CNTNAP2: variants seen among roughly 807,000 people sequenced by gnomAD.
The protein encoded by CNTNAP2 is contactin associated protein 2.
CNTNAP2 carries 98 observed loss-of-function variants against 155.2 expected under a neutral mutation model. The observed-to-expected ratio is 0.63, with a 90% confidence interval of 0.54 to 0.75. The LOEUF (loss-of-function observed/expected upper bound fraction) is 0.75. CNTNAP2 is among the 30% of genes least tolerant of loss of function. CNTNAP2 has a pLI of 0.00. For synonymous variants in CNTNAP2, 651 were observed against 631.2 expected (o/e 1.03, Z -0.47); for missense variants, 1,727 against 1,688.1 (o/e 1.02, Z -0.40).
intron 21 of CNTNAP2, among the ~76,000 whole-genome samples, chr7:148,312,936 G>A (rs1021033128): frequency 2.7e-5 from 4 of 150,688 alleles, no homozygotes; most frequent in South Asian, 2.1e-4. Context: ...TGAAGGAGGC[G>A]TTGAACTGGG....
chr7:146,831,443 C>T (rs988101119), intron 2 of CNTNAP2, among the ~76,000 whole-genome samples: 2 of 151,738 alleles, frequency 1.3e-5, no homozygotes, highest in African/African-American at 2.4e-5. Context: ...TTTGGGAAGC[C>T]GAGGTGGGCG....
chr7:146,532,468 T>C (rs1007052543), intron 1 of CNTNAP2, among the ~76,000 whole-genome samples: 1 of 152,184 alleles, frequency 6.6e-6, no homozygotes, highest in Non-Finnish European at 1.5e-5. Flanking sequence ...TCCCACTTTC[T>C]TCTGAAACTT....
chr7:147,854,646 A>T (rs1413191907), intron 13 of CNTNAP2, among the ~76,000 whole-genome samples: 1 of 152,230 alleles, frequency 6.6e-6, no homozygotes, highest in Non-Finnish European at 1.5e-5. Flanking sequence ...TCCTAGCCAC[A>T]TGTGACTGTT....
chr7:147,676,417 C>G (rs1397997620), intron 13 of CNTNAP2, among the ~76,000 whole-genome samples: 1 of 151,906 alleles, frequency 6.6e-6, no homozygotes, highest in Non-Finnish European at 1.5e-5. Context: ...TATTTGTTCA[C>G]TATATATAAT....
chr7:147,571,027 T>C (rs559675886), intron 12 of CNTNAP2, among the ~76,000 whole-genome samples: 1 of 152,338 alleles, frequency 6.6e-6, no homozygotes, highest in African/African-American at 2.4e-5. Flanking sequence ...CTTAATTATC[T>C]AACTAATGCC....
intron 1 of CNTNAP2, among the ~76,000 whole-genome samples, chr7:146,344,779 C>G (rs1232498269): frequency 1.3e-5 from 2 of 152,098 alleles, no homozygotes; most frequent in Non-Finnish European, 2.9e-5. Context: ...TCCCGGCCAA[C>G]TAGCTTTAAC....
At position 146,676,236 on chromosome 7, in the gene CNTNAP2, A is replaced by T. The variant is rs1800396242; in HGVS notation, c.98-98035A>T. Among the ~76,000 whole-genome samples the T allele has an allele frequency of 3.3e-5, 5 of 152,190 alleles. No homozygotes were observed. In the South Asian group the frequency reaches 1.0e-3, roughly 31 times the overall value. On this transcript the variant is annotated intron_variant, in intron 1 of 23. Transcript: ENST00000361727. ...TTGTAATTATCAATAAATATGCGAA[A>T]TCTAAACATTCATTGGCAAATATAG...
At chr7:146,648,484 T>G (rs1799852867) in intron 1 of CNTNAP2, among the ~76,000 whole-genome samples, 1 of 152,122 alleles carries the variant, frequency 6.6e-6, no homozygotes, top group Non-Finnish European at 1.5e-5. Flanking sequence ...CTGTGAAAAT[T>G]TTTTATTATG....
rs57134961 is a variant in CNTNAP2, at chr7:148,253,055, T to TAGATAGATAGATA, written c.3382-13978_3382-13977insAGATAGATAGATA. On this transcript the variant is annotated intron_variant, in intron 20 of 23. Coordinates refer to ENST00000361727, the MANE Select transcript of CNTNAP2 (RefSeq NM_014141.6). ...ATAGATAGATAGATAGATAGACAGA[T>TAGATAGATAGATA]GATAGATAGATAGATAGATATTGAT... Among the ~76,000 whole-genome samples, 764 of 138,686 alleles carry TAGATAGATAGATA rather than the reference T, an allele frequency of 5.5e-3. 4 individuals are homozygous for TAGATAGATAGATA. The highest frequency in any genetic ancestry group is 9.4e-3 in the African/African-American group (357 of 37,878). The allele number at this position is 138,686 out of a possible 152,430, so 91.0% of individuals were successfully genotyped here.
chr7:147,655,712 G>C (rs536292460), intron 13 of CNTNAP2, among the ~76,000 whole-genome samples: 12 of 152,352 alleles, frequency 7.9e-5, no homozygotes, highest in Admixed American at 4.6e-4. Flanking sequence ...AGCACAGGCA[G>C]TGTAGAGTTA....
chr7:146,357,232 CAAAA>C (rs71525940), intron 1 of CNTNAP2, among the ~76,000 whole-genome samples: 3 of 98,506 alleles, frequency 3.0e-5, no homozygotes, highest in Non-Finnish European at 4.2e-5. Flanking sequence ...TACAGTGCTC[CAAAA>C]AAAAAAAAAA....
chr7:146,932,407 CAATA>C (rs1263687957), intron 3 of CNTNAP2, among the ~76,000 whole-genome samples: 3 of 151,686 alleles, frequency 2.0e-5, no homozygotes, highest in Non-Finnish European at 4.4e-5. Context: ...TAAAAACTCT[CAATA>C]AATTAGGTAT....
chr7:148,031,238 C>T (rs942482023), intron 15 of CNTNAP2, among the ~76,000 whole-genome samples: 1 of 152,178 alleles, frequency 6.6e-6, no homozygotes, highest in Non-Finnish European at 1.5e-5. Flanking sequence ...AAGAAAAACA[C>T]TCCTGGGCTG....
At chr7:146,877,359 GC>G (rs1174959460) in intron 3 of CNTNAP2, among the ~76,000 whole-genome samples, 2 of 151,762 alleles carry the variant, frequency 1.3e-5, no homozygotes, top group African/African-American at 2.4e-5. Context: ...CTTAAAATTA[GC>G]CTAGTGTGGT....
At position 148,136,459 on chromosome 7, in the gene CNTNAP2, G is replaced by A. The variant is rs934136539; in HGVS notation, c.2555-11032G>A. Among the ~76,000 whole-genome samples the A allele has an allele frequency of 5.3e-5, 8 of 152,124 alleles. No homozygotes were observed. In the East Asian group the frequency reaches 7.7e-4, roughly 15 times the overall value. On this transcript the variant is annotated intron_variant, in intron 16 of 23. Transcript: ENST00000361727. Reference sequence around the variant, plus strand: ...ATGTGCTGCTGTTCCTTCACCTTCCGTCATGAGCATAAGCTTCTGAGGCCC... The same window carrying A: ...ATGTGCTGCTGTTCCTTCACCTTCCATCATGAGCATAAGCTTCTGAGGCCC...
intron 18 of CNTNAP2, among the ~76,000 whole-genome samples, chr7:148,186,169 G>A (rs748190309): frequency 8.5e-5 from 13 of 152,142 alleles, no homozygotes; most frequent in South Asian, 6.2e-4. Context: ...AAAGTATGTC[G>A]TGGTTGAAAG....
intron 22 of CNTNAP2, among the ~76,000 whole-genome samples, chr7:148,390,139 G>A (rs1253425454): frequency 6.6e-6 from 1 of 152,154 alleles, no homozygotes; most frequent in Non-Finnish European, 1.5e-5. Context: ...GCCGTTAGGT[G>A]GTTAAATCAC....
At chr7:146,850,908 C>A (rs1383626987) in intron 3 of CNTNAP2, among the ~76,000 whole-genome samples, 3 of 152,162 alleles carry the variant, frequency 2.0e-5, no homozygotes, top group African/African-American at 7.2e-5. Context: ...CTTTCACAGG[C>A]AATGTGAAAC....
chr7:147,953,418 T>C (rs924090228), intron 14 of CNTNAP2, among the ~76,000 whole-genome samples: 1 of 145,020 alleles, frequency 6.9e-6, no homozygotes, highest in East Asian at 2.0e-4. Flanking sequence ...GAAATACGAT[T>C]CTCATTCCAT....
Sources: gnomAD v4.1 joint callset for allele counts (sites outside exome capture counted in the v4.1 genomes callset) on GRCh38, gnomAD v4.1.1 for gene constraint, MANE v1.5 for transcripts, NCBI Gene and HGNC (gene_info 2026-07-23, HGNC 2026-07-21) for gene names.